The following HMBOX1 variants were observed in gnomAD, a reference collection of about 807,000 sequenced individuals.
HMBOX1 encodes the protein homeobox containing 1.
A neutral mutation model predicts 54.5 loss-of-function variants in HMBOX1; 14 were observed. The observed-to-expected ratio is 0.26, with a 90% CI of 0.17 to 0.40. The LOEUF (loss-of-function observed/expected upper bound fraction) is 0.40, where lower values mean the gene tolerates loss of function less well. Ranked by LOEUF, HMBOX1 falls within the 10% of genes least tolerant of loss-of-function variation. The pLI is 1.00. For synonymous variants in HMBOX1, 160 were observed against 181.0 expected (o/e 0.88, Z 0.93); for missense variants, 332 against 514.4 (o/e 0.65, Z 3.43).
intron 1 of HMBOX1, among the ~76,000 whole-genome samples, chr8:28,931,121 G>C (rs1819405015): frequency 6.6e-6 from 1 of 151,996 alleles, no homozygotes; most frequent in Admixed American, 6.5e-5. Flanking sequence ...TGATTTTTTT[G>C]CATTAAACTT....
At chr8:28,959,174 T>C (rs962656535) in intron 1 of HMBOX1, among the ~76,000 whole-genome samples, 1 of 152,146 alleles carries the variant, frequency 6.6e-6, no homozygotes, top group Non-Finnish European at 1.5e-5. Context: ...GCTTTCACCT[T>C]TTCACTGAAC....
chr8:28,934,664 G>T (rs549325423), intron 1 of HMBOX1, among the ~76,000 whole-genome samples: 7 of 152,232 alleles, frequency 4.6e-5, no homozygotes, highest in Middle Eastern at 3.4e-3. Flanking sequence ...GGTGGCTCAC[G>T]CCTGTAATTC....
intron 6 of HMBOX1, among the ~76,000 whole-genome samples, chr8:29,030,024 C>T (rs1802680076): frequency 6.6e-6 from 1 of 151,806 alleles, no homozygotes. Flanking sequence ...GCCAAAAAGA[C>T]TTCTGTTTAT....
chr8:29,045,790 G>A (rs1039637776), intron 7 of HMBOX1, among the ~76,000 whole-genome samples: 3 of 152,106 alleles, frequency 2.0e-5, no homozygotes, highest in Non-Finnish European at 4.4e-5. Context: ...ATTTAAGCAA[G>A]CTTTGTCAAT....
At chr8:29,006,130 C>G (rs1227451037) in intron 4 of HMBOX1, among the ~76,000 whole-genome samples, 1 of 151,520 alleles carries the variant, frequency 6.6e-6, no homozygotes, top group African/African-American at 2.4e-5. Context: ...GTAGCTGGGA[C>G]TACAGGCACA....
chr8:28,943,432 A>G (rs887863855), intron 1 of HMBOX1, among the ~76,000 whole-genome samples: 2 of 152,184 alleles, frequency 1.3e-5, no homozygotes, highest in Non-Finnish European at 2.9e-5. Context: ...TAGTTTAACA[A>G]GGTTTGTTTG....
chr8:28,939,452 C>T (rs1002073575), intron 1 of HMBOX1, among the ~76,000 whole-genome samples: 4 of 152,108 alleles, frequency 2.6e-5, no homozygotes, highest in Admixed American at 1.3e-4. Context: ...CTGAAATAGT[C>T]ATTGGAATAG....
At chr8:29,012,480 T>C (rs1312131102) in intron 5 of HMBOX1, among the ~76,000 whole-genome samples, 2 of 152,174 alleles carry the variant, frequency 1.3e-5, no homozygotes, top group Non-Finnish European at 2.9e-5. Context: ...TGAGGTGATA[T>C]GGAATTCATA....
Position 28,940,918 on chromosome 8 carries a change from A to G in HMBOX1, c.-57-22893A>G, listed in dbSNP as rs529000930. 4.6e-5 allele frequency among the ~76,000 whole-genome samples: 7 copies of G among 152,354 alleles called. No individual in the cohort carries two copies. In the East Asian group the frequency reaches 1.3e-3, roughly 29 times the overall value. On this transcript the variant is annotated intron_variant, in intron 1 of 9. Coordinates refer to ENST00000287701, the MANE Select transcript of HMBOX1 (RefSeq NM_001135726.3). ...GTAGTGGATACAAAGTATAATACTA[A>G]TACATGGATCATGTTATTGTTATTT...
chr8:28,951,892 G>T (rs2132130723), intron 1 of HMBOX1, among the ~76,000 whole-genome samples: 1 of 152,302 alleles, frequency 6.6e-6, no homozygotes, highest in East Asian at 1.9e-4. Flanking sequence ...ACCAGGCTGA[G>T]CACGGTGGCT....
intron 6 of HMBOX1, among the ~76,000 whole-genome samples, chr8:29,044,547 ACTC>A (rs1805302635): frequency 6.6e-6 from 1 of 151,884 alleles, no homozygotes; most frequent in South Asian, 2.1e-4. Context: ...AAATGTTTAA[ACTC>A]CTCCCACTAA....
intron 2 of HMBOX1, among the ~76,000 whole-genome samples, chr8:28,966,068 G>A (rs1310940275): frequency 2.6e-5 from 4 of 152,116 alleles, no homozygotes; most frequent in Non-Finnish European, 4.4e-5. Context: ...TTACAAGTAA[G>A]ATAGTAATGT....
chr8:28,992,274 T>C (rs1831087714), intron 4 of HMBOX1, among the ~76,000 whole-genome samples: 1 of 152,192 alleles, frequency 6.6e-6, no homozygotes, highest in African/African-American at 2.4e-5. Context: ...CCTAAACGGA[T>C]TCTTGAGTGG....
At chr8:28,951,234 G>A (rs1823363319) in intron 1 of HMBOX1, among the ~76,000 whole-genome samples, 1 of 152,228 alleles carries the variant, frequency 6.6e-6, no homozygotes, top group African/African-American at 2.4e-5. Context: ...CTGGGTTCAA[G>A]CGATTCTCCT....
chr8:28,963,832 T>C lies in HMBOX1; in HGVS notation c.-36T>C. The C allele has an allele frequency of 1.3e-6, 2 of 1,563,150 alleles. No individual in the cohort carries two copies. Among genetic ancestry groups the C allele is most frequent in the Non-Finnish European group, 1.8e-6 (2 of 1,142,366 alleles). The stretch of plus-strand genomic sequence containing the variant: ...ACAGAATGGTAGATAACGCAGATCA[T>C]CTCTGGAAAGGATATTGATCCGCCT... On this transcript the variant is annotated 5_prime_UTR_variant, in exon 2 of 10. Transcript: ENST00000287701.
rs1323133127 is a variant in HMBOX1 at position 29,051,049 on chromosome 8, A to G, written c.1157A>G (p.Asp386Gly). 6.2e-7 allele frequency: 1 copy of G among 1,612,644 alleles called. No individual in the cohort carries two copies. The highest frequency in any genetic ancestry group is 8.5e-7 in the Non-Finnish European group (1 of 1,179,720). Residue 386 changes from aspartate (D) to glycine (G), a missense_variant, in exon 10 of 10, where the codon GAC becomes GGC. By Grantham distance (94) the Asp-to-Gly change is moderately conservative. This residue lies in a region of HMBOX1 where 69 missense variants were observed against 104.6 expected (regional missense o/e 0.66). Transcript: ENST00000287701. ...DDSTSHSDHQ[D>G]PISLAVEMAA... ...AGTACGAGCCATAGTGACCACCAAG[A>G]CCCCATCTCATTAGCTGTGGAAATG...
intron 1 of HMBOX1, among the ~76,000 whole-genome samples, chr8:28,901,515 T>G (rs1813225371): frequency 6.6e-6 from 1 of 152,222 alleles, no homozygotes; most frequent in Non-Finnish European, 1.5e-5. Context: ...CTTAGATTAT[T>G]CTTTTCCTTT....
chr8:28,894,842 G>A (rs1008293493), intron 1 of HMBOX1, among the ~76,000 whole-genome samples: 3 of 151,986 alleles, frequency 2.0e-5, no homozygotes, highest in East Asian at 3.9e-4. Flanking sequence ...CCCTTATAGT[G>A]GTAATAAAGT....
chr8:28,943,631 G>A (rs1192730923), intron 1 of HMBOX1, among the ~76,000 whole-genome samples: 1 of 152,144 alleles, frequency 6.6e-6, no homozygotes, highest in Non-Finnish European at 1.5e-5. Context: ...ATATGCCAAA[G>A]TGACGTATTT....
Sources: gnomAD v4.1 joint callset for allele counts (sites outside exome capture counted in the v4.1 genomes callset) on GRCh38, gnomAD v4.1.1 for gene constraint, gnomAD v4.1.1 regional missense constraint, MANE v1.5 for transcripts, NCBI Gene and HGNC (gene_info 2026-07-23, HGNC 2026-07-21) for gene names.